The following CTNND2 variants were observed in gnomAD, a reference collection of about 807,000 sequenced individuals.
CTNND2 encodes catenin delta 2, also known as catenin delta-2.
A neutral mutation model predicts 144.4 loss-of-function variants in CTNND2; 22 were observed. The observed-to-expected ratio is 0.15, with a 90% confidence interval of 0.11 to 0.22. The LOEUF (loss-of-function observed/expected upper bound fraction) is 0.22, where lower values mean the gene tolerates loss of function less well. Ranked by LOEUF, CTNND2 falls within the 10% of genes least tolerant of loss-of-function variation. The probability of loss-of-function intolerance (pLI) is 1.00; values close to 1 mark genes in which losing one functional copy is unlikely to be tolerated. For missense variants in CTNND2, 1,353 were observed against 1,618.8 expected (o/e 0.84, Z 2.82); for synonymous variants, 751 against 695.6 (o/e 1.08, Z -1.25).
chr5:11,154,690 G>T (rs1580437822), intron 12 of CTNND2, among the ~76,000 whole-genome samples: 1 of 152,146 alleles, frequency 6.6e-6, no homozygotes, highest in African/African-American at 2.4e-5. Flanking sequence ...CAAACTGGGT[G>T]GCTTAAAACA....
chr5:11,742,951 G>A (rs779267972), intron 1 of CTNND2, among the ~76,000 whole-genome samples: 11 of 152,202 alleles, frequency 7.2e-5, no homozygotes, highest in East Asian at 1.9e-4. Context: ...CTAGCATATC[G>A]CTACCAAAAG....
At chr5:11,872,670 T>A (rs1184352107) in intron 1 of CTNND2, among the ~76,000 whole-genome samples, 2 of 130,694 alleles carry the variant, frequency 1.5e-5, no homozygotes, top group Non-Finnish European at 1.8e-5. Flanking sequence ...GTTGGCTGCA[T>A]AAATGTCTTC....
At chr5:11,639,068 G>C (rs958148315) in intron 2 of CTNND2, among the ~76,000 whole-genome samples, 48 of 152,058 alleles carry the variant, frequency 3.2e-4, no homozygotes, top group African/African-American at 1.1e-3. Context: ...CCAAAAGGGG[G>C]TGATTTTGCC....
intron 9 of CTNND2, among the ~76,000 whole-genome samples, chr5:11,304,998 A>C (rs1156441363): frequency 6.6e-6 from 1 of 152,202 alleles, no homozygotes; most frequent in Non-Finnish European, 1.5e-5. Context: ...TCGGCATTGC[A>C]TCCACTGAGC....
rs61761582 is a variant in CTNND2 at position 11,822,008 on chromosome 5, G to A, written c.37+81809C>T. 2.5e-3 allele frequency among the ~76,000 whole-genome samples: 373 copies of A among 152,168 alleles called. 1 individual carries two copies. Among genetic ancestry groups the A allele is most frequent in the African/African-American group, 8.4e-3 (349 of 41,506 alleles). On this transcript the variant is annotated intron_variant, in intron 1 of 21. Coordinates refer to ENST00000304623, the MANE Select transcript of CTNND2 (RefSeq NM_001332.4). ...CAGGATTCCTCATTCTTTAAGTAAT[G>A]ATATGCATCATAATAATACACCCCA... is the stretch of plus-strand genomic sequence containing the variant.
intron 3 of CTNND2, among the ~76,000 whole-genome samples, chr5:11,485,066 T>A (rs1768669034): frequency 6.6e-6 from 1 of 152,162 alleles, no homozygotes; most frequent in Admixed American, 6.5e-5. Context: ...GCAGGTTACA[T>A]AATATACACT....
At chr5:11,453,494 T>G (rs1375660433) in intron 3 of CTNND2, among the ~76,000 whole-genome samples, 4 of 152,178 alleles carry the variant, frequency 2.6e-5, no homozygotes, top group Non-Finnish European at 5.9e-5. Flanking sequence ...TCACTGGAAA[T>G]TTTTTCATTG....
intron 1 of CTNND2, among the ~76,000 whole-genome samples, chr5:11,896,403 A>G (rs1180088721): frequency 1.3e-5 from 2 of 152,088 alleles, no homozygotes; most frequent in Admixed American, 6.6e-5. Context: ...TCATTTCTGT[A>G]TTTTTGAATT....
chr5:11,217,172 A>T (rs1739285849), intron 10 of CTNND2, among the ~76,000 whole-genome samples: 1 of 152,216 alleles, frequency 6.6e-6, no homozygotes, highest in African/African-American at 2.4e-5. Flanking sequence ...AGACAGAAAA[A>T]GTCTTCCCAA....
intron 1 of CTNND2, among the ~76,000 whole-genome samples, chr5:11,828,266 A>G (rs1321171069): frequency 1.3e-5 from 2 of 152,134 alleles, no homozygotes; most frequent in Admixed American, 1.3e-4. Context: ...ATGGTGGCTC[A>G]TGCCTGTAAT....
chr5:11,457,242 AT>A (rs34524144), intron 3 of CTNND2, among the ~76,000 whole-genome samples: 34 of 150,064 alleles, frequency 2.3e-4, no homozygotes, highest in African/African-American at 5.6e-4. Flanking sequence ...TCTCTACACA[AT>A]TTTTTTTTTA....
Position 11,382,460 on chromosome 5 carries a change from G to C in CTNND2, c.1177+2205C>G, listed in dbSNP as rs7724620. ...CAAAATATACAAAAATTAGCCAGGC[G>C]TGGGGGCAGGTGACTGTAATCCCAG... On this transcript the variant is annotated intron_variant, in intron 7 of 21. Coordinates refer to ENST00000304623, the MANE Select transcript of CTNND2 (RefSeq NM_001332.4). Among the ~76,000 whole-genome samples, 1,123 of 152,184 alleles carry C rather than the reference G, an allele frequency of 7.4e-3. 8 individuals carry two copies. The highest frequency in any genetic ancestry group is 0.024 in the African/African-American group (1,016 of 41,532).
intron 16 of CTNND2, among the ~76,000 whole-genome samples, chr5:11,078,297 G>A (rs1033290257): frequency 1.3e-5 from 2 of 152,210 alleles, no homozygotes; most frequent in African/African-American, 4.8e-5. Flanking sequence ...AAGTAAAATA[G>A]TTAGCAAAAG....
At chr5:11,528,595 A>C (rs1271778138) in intron 3 of CTNND2, among the ~76,000 whole-genome samples, 1 of 152,158 alleles carries the variant, frequency 6.6e-6, no homozygotes, top group African/African-American at 2.4e-5. Context: ...GGCTGGTGTC[A>C]GGTCCTCAGG....
intron 1 of CTNND2, among the ~76,000 whole-genome samples, chr5:11,818,957 T>C (rs1031831357): frequency 6.6e-6 from 1 of 152,176 alleles, no homozygotes; most frequent in African/African-American, 2.4e-5. Flanking sequence ...CCTATTTGTT[T>C]TCCTTTTCAG....
At chr5:11,891,358 CA>C (rs1466024190) in intron 1 of CTNND2, among the ~76,000 whole-genome samples, 6 of 152,066 alleles carry the variant, frequency 3.9e-5, no homozygotes, top group African/African-American at 1.4e-4. Context: ...AATTCAATAC[CA>C]AAGTTCCAAA....
At chr5:11,461,828 T>C (rs368178937) in intron 3 of CTNND2, among the ~76,000 whole-genome samples, 10 of 152,192 alleles carry the variant, frequency 6.6e-5, no homozygotes, top group East Asian at 1.9e-4. Flanking sequence ...ATTGAGACAT[T>C]GATTCTCAGA....
At chr5:11,777,643 T>G (rs1440944864) in intron 1 of CTNND2, among the ~76,000 whole-genome samples, 1 of 152,114 alleles carries the variant, frequency 6.6e-6, no homozygotes, top group Non-Finnish European at 1.5e-5. Context: ...TTGGGGACTG[T>G]GCCTAAAGCA....
At chr5:11,214,394 G>A (rs1337098810) in intron 10 of CTNND2, among the ~76,000 whole-genome samples, 1 of 152,118 alleles carries the variant, frequency 6.6e-6, no homozygotes, top group Non-Finnish European at 1.5e-5. Context: ...AAAATTTTCA[G>A]ATGAGTTATT....
Sources: gnomAD v4.1 joint callset for allele counts (sites outside exome capture counted in the v4.1 genomes callset) on GRCh38, gnomAD v4.1.1 for gene constraint, MANE v1.5 for transcripts, NCBI Gene and HGNC (gene_info 2026-07-23, HGNC 2026-07-21) for gene names.